Variants in TMEM117 observed in about 807,000 individuals in gnomAD.
The protein encoded by TMEM117 is transmembrane protein 117.
A neutral mutation model predicts 52.4 loss-of-function variants in TMEM117; 27 were observed. The observed-to-expected ratio is 0.51, with a 90% CI of 0.38 to 0.71. TMEM117 has a LOEUF of 0.71. Among genes scored for constraint, TMEM117 ranks in the 30% least tolerant of loss-of-function variants. The pLI, the probability that TMEM117 is intolerant of heterozygous loss-of-function variation, is 0.00. For synonymous variants in TMEM117, 215 were observed against 206.3 expected, an observed-to-expected ratio of 1.04 and a Z score of -0.36; for missense variants, 556 against 630.5, an observed-to-expected ratio of 0.88 and a Z score of 1.26.
At chr12:43,863,741 C>T (rs1487186836) in intron 2 of TMEM117, among the ~76,000 whole-genome samples, 3 of 152,162 alleles carry the variant, frequency 2.0e-5, no homozygotes, top group African/African-American at 7.2e-5. Context: ...GTGCTGGCAG[C>T]CCTCGCAGCC....
At chr12:44,227,283 G>T (rs1231087134) in intron 5 of TMEM117, among the ~76,000 whole-genome samples, 1 of 152,074 alleles carries the variant, frequency 6.6e-6, no homozygotes, top group Non-Finnish European at 1.5e-5. Context: ...GACCAGCCTG[G>T]ACAACATGGC....
At chr12:44,312,431 G>A (rs989547122) in intron 6 of TMEM117, among the ~76,000 whole-genome samples, 1 of 151,172 alleles carries the variant, frequency 6.6e-6, no homozygotes, top group Non-Finnish European at 1.5e-5. Flanking sequence ...TTGCTGCAAA[G>A]GACATGATTT....
At chr12:43,849,253 A>G (rs568275051) in intron 2 of TMEM117, among the ~76,000 whole-genome samples, 3 of 152,202 alleles carry the variant, frequency 2.0e-5, no homozygotes, top group Non-Finnish European at 4.4e-5. Context: ...AACAGTAGAT[A>G]CCTGTTACAA....
At position 44,205,232 on chromosome 12, in the gene TMEM117, C is replaced by T. The variant is rs150774525; in HGVS notation, c.511-6058C>T. On this transcript the variant is annotated intron_variant, in intron 4 of 7. Coordinates refer to ENST00000266534, the MANE Select transcript of TMEM117 (RefSeq NM_032256.3). ...AATCATGGGGGCAGTTTCCCCCATA[C>T]TGTTCTTGTGGTAGTGAATAAGACT... Among the ~76,000 whole-genome samples the T allele has an allele frequency of 3.6e-3, 543 of 152,278 alleles. 4 individuals carry two copies. The highest frequency in any genetic ancestry group is 5.6e-3 in the Non-Finnish European group (379 of 68,018).
chr12:44,143,358 C>T (rs1049543036), intron 3 of TMEM117, among the ~76,000 whole-genome samples, 167 bp from the exon 4 acceptor site: 3 of 152,148 alleles, frequency 2.0e-5, no homozygotes, highest in Admixed American at 2.0e-4. Flanking sequence ...ACCCAGACAC[C>T]CTGAGAGCTC....
intron 2 of TMEM117, among the ~76,000 whole-genome samples, chr12:43,885,414 C>CTTTTTTTTT (rs63547361): frequency 2.9e-5 from 4 of 136,954 alleles, no homozygotes; most frequent in Middle Eastern, 4.0e-3. Flanking sequence ...TTTTTCTTTT[C>CTTTTTTTTT]TTTTCTTTTT....
chr12:44,230,956 C>T (rs936630075), intron 5 of TMEM117, among the ~76,000 whole-genome samples: 6 of 151,978 alleles, frequency 3.9e-5, no homozygotes, highest in Admixed American at 2.6e-4. Flanking sequence ...CACATACACA[C>T]ATACACACAT....
intron 3 of TMEM117, among the ~76,000 whole-genome samples, chr12:44,066,468 C>G (rs1236628049): frequency 2.0e-5 from 3 of 152,070 alleles, no homozygotes; most frequent in African/African-American, 7.2e-5. Flanking sequence ...TGGAGGAACC[C>G]CTTCCTTGGG....
chr12:44,351,810 A>G (rs1951566043), intron 6 of TMEM117, among the ~76,000 whole-genome samples: 1 of 152,010 alleles, frequency 6.6e-6, no homozygotes, highest in Admixed American at 6.6e-5. Flanking sequence ...GTGATTTACA[A>G]CAATTATAAT....
chr12:43,881,707 T>C (rs1943898011), intron 2 of TMEM117, among the ~76,000 whole-genome samples: 1 of 137,096 alleles, frequency 7.3e-6, no homozygotes, highest in Non-Finnish European at 1.5e-5. Context: ...GAGAATCGCT[T>C]GAACCCAGGA....
downstream of TMEM117, among the ~76,000 whole-genome samples, chr12:44,391,610 TA>T (rs1952162409): frequency 6.6e-6 from 1 of 152,106 alleles, no homozygotes; most frequent in African/African-American, 2.4e-5. Context: ...CTGGGCTCCA[TA>T]AGCAATTTTA....
At chr12:43,820,364 C>G in the TMEM117 span, among the ~76,000 whole-genome samples, 6 of 152,224 alleles carry the variant, frequency 3.9e-5, no homozygotes, top group Non-Finnish European at 2.9e-5. Context: ...AGCTCCGCCT[C>G]CCGGGTTCAC....
chr12:43,888,828 G>C (rs977756866), intron 2 of TMEM117, among the ~76,000 whole-genome samples: 1 of 152,064 alleles, frequency 6.6e-6, no homozygotes, highest in Non-Finnish European at 1.5e-5. Flanking sequence ...GATTACAGGT[G>C]TGAGCCACCA....
At chr12:44,203,406 T>G (rs962482041) in intron 4 of TMEM117, among the ~76,000 whole-genome samples, 1 of 152,154 alleles carries the variant, frequency 6.6e-6, no homozygotes, top group African/African-American at 2.4e-5. Context: ...AAGAACCAAC[T>G]TTTTGTTTCG....
intron 3 of TMEM117, among the ~76,000 whole-genome samples, chr12:44,055,556 C>G (rs1947040479): frequency 6.6e-6 from 1 of 152,112 alleles, no homozygotes; most frequent in South Asian, 2.1e-4. Flanking sequence ...GAGTTCAAGT[C>G]CTGATATGTC....
chr12:44,145,686 G>A (rs1453926923), intron 4 of TMEM117, among the ~76,000 whole-genome samples: 1 of 152,176 alleles, frequency 6.6e-6, no homozygotes, highest in African/African-American at 2.4e-5. Flanking sequence ...CCATAAGTGT[G>A]AGCAGCCCAC....
At chr12:43,830,625 A>G in the TMEM117 span, among the ~76,000 whole-genome samples, 6 of 151,994 alleles carry the variant, frequency 3.9e-5, no homozygotes, top group Non-Finnish European at 7.4e-5. Context: ...AAAAAAAAAA[A>G]AAAGAAAACT....
chr12:44,335,413 A>G (rs2138735968), intron 6 of TMEM117, among the ~76,000 whole-genome samples: 1 of 152,164 alleles, frequency 6.6e-6, no homozygotes, highest in Non-Finnish European at 1.5e-5. Context: ...ATTCACTCTC[A>G]TTGCTTTTTT....
intron 3 of TMEM117, among the ~76,000 whole-genome samples, chr12:44,041,386 C>T (rs1946796088): frequency 6.6e-6 from 1 of 151,768 alleles, no homozygotes; most frequent in African/African-American, 2.4e-5. Context: ...CATCAAATTT[C>T]AAAGAATCTG....
Sources: gnomAD v4.1 joint callset for allele counts (sites outside exome capture counted in the v4.1 genomes callset) on GRCh38, gnomAD v4.1.1 for gene constraint, MANE v1.5 for transcripts, NCBI Gene and HGNC (gene_info 2026-07-23, HGNC 2026-07-21) for gene names.